The following IL20RB variants were observed in gnomAD, a reference collection of about 807,000 sequenced individuals.
IL20RB encodes interleukin-20 receptor subunit beta.
Under a neutral mutation model 33.3 loss-of-function variants are expected in IL20RB, and 21 were observed. That is an observed-to-expected ratio of 0.63 (90% CI 0.45 to 0.91). IL20RB has a LOEUF of 0.91. Ranked by LOEUF, IL20RB falls within the 40% of genes least tolerant of loss-of-function variation. IL20RB has a pLI of 0.00. For synonymous variants in IL20RB, 147 were observed against 146.8 expected (o/e 1.00, Z -0.01); for missense variants, 345 against 384.8 (o/e 0.90, Z 0.86).
intron 6 of IL20RB, among the ~76,000 whole-genome samples, chr3:136,999,465 C>T (rs1214314166): frequency 2.6e-5 from 4 of 152,020 alleles, no homozygotes; most frequent in Non-Finnish European, 5.9e-5. Flanking sequence ...TCTGGAACTC[C>T]TGGGCTCAAG....
chr3:137,006,267 A>G (rs938546777), intron 6 of IL20RB, among the ~76,000 whole-genome samples: 2 of 152,170 alleles, frequency 1.3e-5, no homozygotes, highest in South Asian at 4.1e-4. Flanking sequence ...CTTGAGGAGT[A>G]TCTTTGTGGT....
chr3:136,995,448 C>G lies in IL20RB; in HGVS notation c.717C>G (p.Ala239=), dbSNP rs761604661. The G allele has an allele frequency of 6.2e-7, 1 of 1,613,964 alleles. No homozygotes were observed. Among genetic ancestry groups the G allele is most frequent in the African/African-American group, 1.3e-5 (1 of 74,898 alleles). ...TTCCCCTGGTACTGGCCCTGTTTGC[C>G]TTTGTTGGCTTCATGCTGATCCTTG... ...EAIPLVLALF[A]FVGFMLILVV... is the part of the protein sequence containing the mutation. The change falls in exon 6 of 7, where the codon GCC becomes GCG. Residue 239 remains alanine, a synonymous_variant. Transcript: ENST00000329582.
intron 3 of IL20RB, among the ~76,000 whole-genome samples, chr3:136,985,537 A>G (rs977192381): frequency 4.8e-4 from 73 of 152,028 alleles, no homozygotes; most frequent in African/African-American, 1.7e-3. Context: ...GTGTTTCACT[A>G]TGTTGGCCAG....
At chr3:136,995,287 C>A in intron 5 of IL20RB, 127 bp from the exon 6 acceptor site, 1 of 1,122,622 alleles carries the variant, frequency 8.9e-7, no homozygotes, top group Non-Finnish European at 1.3e-6. Flanking sequence ...CATCAAATCT[C>A]AGGATTCTGT....
At chr3:136,980,629 C>T in intron 2 of IL20RB, 37 bp downstream of exon 2, 1 of 1,612,738 alleles carries the variant, frequency 6.2e-7, no homozygotes, top group Non-Finnish European at 8.5e-7. Flanking sequence ...CTCCCTTAAG[C>T]AGAAGTTGGT....
chr3:136,962,463 G>C (rs1328477349), intron 1 of IL20RB, among the ~76,000 whole-genome samples: 2 of 152,112 alleles, frequency 1.3e-5, no homozygotes, highest in African/African-American at 2.4e-5. Context: ...TCTAAAAAAT[G>C]TCAAGGTCGG....
chr3:136,963,704 TTA>T (rs1329087382), intron 1 of IL20RB, among the ~76,000 whole-genome samples: 3 of 146,614 alleles, frequency 2.0e-5, no homozygotes, highest in South Asian at 2.2e-4. Flanking sequence ...TTTTTTTTTT[TTA>T]TTATACTCTA....
At chr3:136,972,965 T>C (rs1157682396) in intron 1 of IL20RB, among the ~76,000 whole-genome samples, 1 of 152,148 alleles carries the variant, frequency 6.6e-6, no homozygotes, top group Non-Finnish European at 1.5e-5. Flanking sequence ...GCTTTTGATA[T>C]ATCCCACAGA....
At chr3:136,963,311 A>C (rs1168816424) in intron 1 of IL20RB, among the ~76,000 whole-genome samples, 1 of 152,188 alleles carries the variant, frequency 6.6e-6, no homozygotes. Flanking sequence ...AATGCTGAAG[A>C]GTGTAATTGC....
At chr3:136,975,827 T>A (rs1250826654) in intron 1 of IL20RB, among the ~76,000 whole-genome samples, 1 of 152,156 alleles carries the variant, frequency 6.6e-6, no homozygotes, top group Non-Finnish European at 1.5e-5. Flanking sequence ...CAGGGTTATG[T>A]ATGCGGGCAC....
chr3:137,001,548 C>T (rs184305144), intron 6 of IL20RB, among the ~76,000 whole-genome samples: 1 of 152,268 alleles, frequency 6.6e-6, no homozygotes, highest in African/African-American at 2.4e-5. Flanking sequence ...TGATTTCTAG[C>T]CATCCTTGCA....
At chr3:136,988,402 T>A (rs1329842469) in intron 3 of IL20RB, among the ~76,000 whole-genome samples, 1 of 152,118 alleles carries the variant, frequency 6.6e-6, no homozygotes, top group African/African-American at 2.4e-5. Flanking sequence ...AAGATGATGT[T>A]TGTACTTATG....
chr3:137,009,701 G>A (rs1577037915), intron 6 of IL20RB, among the ~76,000 whole-genome samples: 1 of 152,066 alleles, frequency 6.6e-6, no homozygotes, highest in Admixed American at 6.6e-5. Context: ...CACCATGCCT[G>A]GCTAGTTTAT....
At chr3:136,988,574 T>C (rs1941964164) in intron 3 of IL20RB, among the ~76,000 whole-genome samples, 4 of 151,938 alleles carry the variant, frequency 2.6e-5, no homozygotes, top group African/African-American at 9.7e-5. Flanking sequence ...GTCCCATCTC[T>C]ACAAAAAATA....
intron 2 of IL20RB, among the ~76,000 whole-genome samples, chr3:136,981,832 G>GT (rs1941782616): frequency 6.6e-6 from 1 of 152,202 alleles, no homozygotes; most frequent in South Asian, 2.1e-4. Flanking sequence ...GTGGTGAATG[G>GT]TTTTGAGAAT....
At chr3:137,002,333 C>A (rs1942262353) in intron 6 of IL20RB, among the ~76,000 whole-genome samples, 1 of 152,172 alleles carries the variant, frequency 6.6e-6, no homozygotes, top group South Asian at 2.1e-4. Flanking sequence ...ATTTCTAGAT[C>A]CTTGAGGAAT....
intron 1 of IL20RB, among the ~76,000 whole-genome samples, chr3:136,961,042 T>G (rs1379696278): frequency 6.6e-6 from 1 of 152,216 alleles, no homozygotes. Flanking sequence ...TCCCTTGGAC[T>G]GACTCACTCA....
intron 3 of IL20RB, among the ~76,000 whole-genome samples, chr3:136,987,666 G>A (rs907233595): frequency 4.6e-5 from 7 of 152,150 alleles, no homozygotes; most frequent in Non-Finnish European, 7.4e-5. Context: ...GGCTCGGGCC[G>A]CACAGGAGCC....
intron 1 of IL20RB, among the ~76,000 whole-genome samples, chr3:136,969,663 C>A (rs185277610): frequency 6.6e-6 from 1 of 151,860 alleles, no homozygotes; most frequent in African/African-American, 2.4e-5. Context: ...TCTTCTGCGT[C>A]GCTCACGCTG....
Sources: allele counts gnomAD v4.1 joint callset (sites outside exome capture counted in the v4.1 genomes callset), GRCh38; gene constraint gnomAD v4.1.1; transcripts MANE v1.5; gene names NCBI Gene and HGNC (gene_info 2026-07-23, HGNC 2026-07-21).